The following ITPR2 variants were observed in gnomAD, a reference collection of about 807,000 sequenced individuals.
The protein encoded by ITPR2 is inositol 1,4,5-trisphosphate receptor type 2.
Under a neutral mutation model 317.1 loss-of-function variants are expected in ITPR2, and 207 were observed. That is an observed-to-expected ratio of 0.65 (90% CI 0.58 to 0.73). ITPR2 has a LOEUF of 0.73. Among genes scored for constraint, ITPR2 ranks in the 30% least tolerant of loss-of-function variants. The pLI, the probability that ITPR2 is intolerant of heterozygous loss-of-function variation, is 0.00. For synonymous variants in ITPR2, 1,156 were observed against 1,149.1 expected, an observed-to-expected ratio of 1.01 and a Z score of -0.12; for missense variants, 2,613 against 3,284.0, an observed-to-expected ratio of 0.80 and a Z score of 4.99.
chr12:26,648,291 T>A (rs996637936), intron 21 of ITPR2, among the ~76,000 whole-genome samples: 3 of 152,206 alleles, frequency 2.0e-5, no homozygotes, highest in Non-Finnish European at 4.4e-5. Flanking sequence ...CTTCTAGATA[T>A]GCCTCCTCTT....
chr12:26,650,437 G>T (rs760483050), intron 21 of ITPR2, among the ~76,000 whole-genome samples: 2 of 152,044 alleles, frequency 1.3e-5, no homozygotes, highest in South Asian at 4.1e-4. Context: ...CAATGTCAAC[G>T]ATGAACTTTG....
Position 26,659,163 on chromosome 12 carries a change from T to C in ITPR2, c.1836A>G (p.Ala612=). 1 of 1,613,742 alleles carries C rather than the reference T, an allele frequency of 6.2e-7. No individual in the cohort carries two copies. The highest frequency in any genetic ancestry group is 8.5e-7 in the Non-Finnish European group (1 of 1,179,796). The change falls in exon 16 of 57, where the codon GCA becomes GCG. Residue 612 remains alanine (A), a synonymous_variant. Transcript: ENST00000381340. ...AACTGACAAATGTTTCTATTTCTTT[T>C]GCTGTGATATGTTTCTCTAGTAGTT... ...NRKLLEKHIT[A]KEIETFVSLL...
rs1223078355 is a variant in ITPR2 at position 26,422,767 on chromosome 12, G to C, written c.6946-3554C>G. ...TTACATTGTTCCTATGGGAAAACAT[G>C]ACCTATTTTACAGGAATAAATTGTA... is the stretch of plus-strand genomic sequence containing the variant. On this transcript the variant is annotated intron_variant, in intron 49 of 56. Transcript: ENST00000381340. 7.2e-5 allele frequency among the ~76,000 whole-genome samples: 11 copies of C among 152,072 alleles called. No homozygotes were observed. In the South Asian group the frequency reaches 1.2e-3, roughly 17 times the overall value.
chr12:26,718,000 T>A (rs985233330), intron 5 of ITPR2, among the ~76,000 whole-genome samples: 8 of 152,246 alleles, frequency 5.3e-5, no homozygotes, highest in Admixed American at 4.6e-4. Flanking sequence ...TCTAAAGTAC[T>A]GGGAGCTTGA....
intron 37 of ITPR2, among the ~76,000 whole-genome samples, chr12:26,518,592 T>C (rs1943589073): frequency 1.3e-5 from 2 of 151,812 alleles, no homozygotes; most frequent in Admixed American, 1.3e-4. Context: ...AAAATCTGTA[T>C]CCTCAAAACA....
intron 55 of ITPR2, among the ~76,000 whole-genome samples, chr12:26,372,692 A>G (rs1460784597): frequency 6.6e-6 from 1 of 152,258 alleles, no homozygotes; most frequent in African/African-American, 2.4e-5. Context: ...CTCAAGTAAG[A>G]ATAACTTTTA....
At chr12:26,475,209 A>T in intron 45 of ITPR2, 87 bp downstream of exon 45, 1 of 1,465,204 alleles carries the variant, frequency 6.8e-7, no homozygotes, top group Non-Finnish European at 9.5e-7. Flanking sequence ...AAATGAAGGG[A>T]CCAGAACTTG....
At chr12:26,482,755 T>C (rs1249187480) in intron 42 of ITPR2, among the ~76,000 whole-genome samples, 2 of 152,220 alleles carry the variant, frequency 1.3e-5, no homozygotes, top group Non-Finnish European at 2.9e-5. Context: ...TACACATGTG[T>C]GTATAGATTC....
chr12:26,406,838 C>T (rs1442549180), intron 52 of ITPR2, among the ~76,000 whole-genome samples: 1 of 152,184 alleles, frequency 6.6e-6, no homozygotes, highest in Non-Finnish European at 1.5e-5. Flanking sequence ...AAATCCATAA[C>T]ATTTTCAAAC....
intron 34 of ITPR2, among the ~76,000 whole-genome samples, chr12:26,568,831 G>A (rs1945079110): frequency 6.6e-6 from 1 of 152,264 alleles, no homozygotes; most frequent in Non-Finnish European, 1.5e-5. Flanking sequence ...GAATAAATCT[G>A]TACTGAAGCA....
In ITPR2 at chr12:26,535,965, C is replaced by G. The variant is rs1399404944; in HGVS notation, c.5073+14282G>C. 3.3e-5 allele frequency among the ~76,000 whole-genome samples: 5 copies of G among 152,160 alleles called. No homozygotes were observed. In the South Asian group the frequency reaches 1.0e-3, roughly 32 times the overall value. On this transcript the variant is annotated intron_variant, in intron 37 of 56. Transcript: ENST00000381340. ...GATCGAAGAACAAAAACTGTTGCAG[C>G]AGATGTCTTGTCAAGAGGCTACAGA...
At chr12:26,513,779 T>G (rs1199323746) in intron 37 of ITPR2, among the ~76,000 whole-genome samples, 1 of 139,472 alleles carries the variant, frequency 7.2e-6, no homozygotes, top group African/African-American at 2.7e-5. Flanking sequence ...CACACACACA[T>G]GCAACCCTAC....
At chr12:26,564,894 G>A (rs1470936049) in intron 34 of ITPR2, among the ~76,000 whole-genome samples, 1 of 152,132 alleles carries the variant, frequency 6.6e-6, no homozygotes, top group Non-Finnish European at 1.5e-5. Context: ...TTTATGGCCA[G>A]CCGTAGAAAA....
intron 55 of ITPR2, among the ~76,000 whole-genome samples, chr12:26,360,035 C>G (rs1938776498): frequency 6.6e-6 from 1 of 152,118 alleles, no homozygotes; most frequent in South Asian, 2.1e-4. Flanking sequence ...CACTGACACA[C>G]AAAGAGAAGA....
At chr12:26,552,356 A>T (rs955932868) in intron 36 of ITPR2, among the ~76,000 whole-genome samples, 2 of 151,862 alleles carry the variant, frequency 1.3e-5, no homozygotes, top group South Asian at 4.2e-4. Flanking sequence ...GCCTGGCTAA[A>T]TTTTTTTACT....
At chr12:26,340,829 G>A (rs1480036163) in intron 55 of ITPR2, among the ~76,000 whole-genome samples, 1 of 152,182 alleles carries the variant, frequency 6.6e-6, no homozygotes, top group Non-Finnish European at 1.5e-5. Flanking sequence ...CTCCCTCAGA[G>A]CTCCACTTGA....
Position 26,716,177 on chromosome 12 carries a change from G to T in ITPR2, c.591C>A (p.Asn197Lys). 1 of 1,613,260 alleles carries T rather than the reference G, an allele frequency of 6.2e-7. No individual in the cohort carries two copies. The change falls in exon 6 of 57, where the codon AAC becomes AAA. Residue 197 changes from asparagine (N) to lysine (K), a missense_variant. Transcript: ENST00000381340. ...ACCCTGGGTTATCAAGAAGCTCTAT[G>T]TTGCTGGCATGTAGTGGCTGCCCTG... is the stretch of plus-strand genomic sequence containing the variant. ...VNAGQPLHAS[N>K]IELLDNPGCK...
intron 2 of ITPR2, among the ~76,000 whole-genome samples, chr12:26,729,937 C>A (rs1486997123): frequency 1.3e-5 from 2 of 151,994 alleles, no homozygotes; most frequent in Admixed American, 6.6e-5. Flanking sequence ...CAAAACTGCA[C>A]TTGTAACCCT....
At chr12:26,783,209 T>C (rs1388546168) in intron 2 of ITPR2, among the ~76,000 whole-genome samples, 1 of 152,220 alleles carries the variant, frequency 6.6e-6, no homozygotes, top group Non-Finnish European at 1.5e-5. Context: ...CCTGAAGCAT[T>C]CTGACTTATT....
Sources: allele counts gnomAD v4.1 joint callset (sites outside exome capture counted in the v4.1 genomes callset), GRCh38; gene constraint gnomAD v4.1.1; transcripts MANE v1.5; gene names NCBI Gene and HGNC (gene_info 2026-07-23, HGNC 2026-07-21).